CCSER2: variants seen among roughly 807,000 people sequenced by gnomAD.
The protein encoded by CCSER2 is coiled-coil serine rich protein 2.
In CCSER2, 46 loss-of-function variants were observed where a neutral mutation model predicts 92.3. The observed-to-expected ratio is 0.50, with a 90% CI of 0.39 to 0.64. CCSER2 has a LOEUF of 0.64. CCSER2 is among the 30% of genes least tolerant of loss of function. The probability of loss-of-function intolerance (pLI) is 0.00; values close to 1 mark genes in which losing one functional copy is unlikely to be tolerated. For missense variants in CCSER2, 1,244 were observed against 1,238.9 expected (o/e 1.00, Z -0.06); for synonymous variants, 433 against 431.4 (o/e 1.00, Z -0.04).
chr10:84,335,971 G>A (rs1241376006), intron 1 of CCSER2, among the ~76,000 whole-genome samples: 1 of 152,112 alleles, frequency 6.6e-6, no homozygotes, highest in Non-Finnish European at 1.5e-5. Context: ...ATTTCTTTTC[G>A]GGGTGGGGAG....
At chr10:84,401,997 C>A (rs754851408) in intron 3 of CCSER2, among the ~76,000 whole-genome samples, 5 of 152,200 alleles carry the variant, frequency 3.3e-5, no homozygotes, top group Non-Finnish European at 5.9e-5. Flanking sequence ...GGACCATTCA[C>A]TTATTTGCTA....
intron 1 of CCSER2, among the ~76,000 whole-genome samples, chr10:84,335,476 T>A (rs1843784843): frequency 6.6e-6 from 1 of 152,010 alleles, no homozygotes; most frequent in African/African-American, 2.4e-5. Context: ...ACTCCTGGGC[T>A]CAAATGACCC....
At chr10:84,352,003 A>C (rs1844884903) in intron 1 of CCSER2, among the ~76,000 whole-genome samples, 1 of 152,116 alleles carries the variant, frequency 6.6e-6, no homozygotes, top group Non-Finnish European at 1.5e-5. Context: ...CAAGATAGGC[A>C]AAATGGTGAC....
intron 3 of CCSER2, among the ~76,000 whole-genome samples, chr10:84,388,557 ACC>A (rs1434618893): frequency 1.3e-5 from 2 of 151,546 alleles, no homozygotes; most frequent in Admixed American, 6.6e-5. Context: ...ACTCCCTCCC[ACC>A]CCCTTGAGCC....
intron 5 of CCSER2, among the ~76,000 whole-genome samples, chr10:84,433,205 G>T (rs955382728): frequency 6.6e-6 from 1 of 152,098 alleles, no homozygotes; most frequent in African/African-American, 2.4e-5. Flanking sequence ...TCTTTTGCCT[G>T]TTCTAATAAA....
At chr10:84,348,747 T>TC (rs1380912953) in intron 1 of CCSER2, among the ~76,000 whole-genome samples, 1 of 151,846 alleles carries the variant, frequency 6.6e-6, no homozygotes, top group Admixed American at 6.6e-5. Flanking sequence ...TTTGGGTTTT[T>TC]TTGGTAATAA....
intron 8 of CCSER2, among the ~76,000 whole-genome samples, chr10:84,475,432 A>T (rs1847081518): frequency 1.3e-5 from 2 of 152,180 alleles, no homozygotes; most frequent in South Asian, 4.1e-4. Context: ...GCCAAATATT[A>T]TTTTTCATGT....
At chr10:84,478,067 AAT>A (rs1460452667) in intron 9 of CCSER2, among the ~76,000 whole-genome samples, 19 of 152,320 alleles carry the variant, frequency 1.2e-4, no homozygotes, top group Admixed American at 1.2e-3. Context: ...AAACTTTTCA[AAT>A]ATGTTTATTA....
chr10:84,518,048 G>C lies in CCSER2; in HGVS notation c.*3781G>C, dbSNP rs1849654806. 1 of 152,110 alleles carries C rather than the reference G, an allele frequency of 6.6e-6. No homozygotes were observed. 9.4% of individuals were successfully genotyped at this position (152,110 alleles called of 1,614,324 possible). A position where few individuals can be genotyped will look rare whatever the true frequency, so the allele number is the denominator to read the frequency against. Reference sequence around the variant, plus strand: ...AGCACACATTTGAAAATTAATTATAGCTGTACTACCCGATGTTTTTCCTTG... The same window carrying C: ...AGCACACATTTGAAAATTAATTATACCTGTACTACCCGATGTTTTTCCTTG... On this transcript the variant is annotated 3_prime_UTR_variant, in exon 10 of 10. Coordinates refer to ENST00000372088, the MANE Select transcript of CCSER2 (RefSeq NM_001284240.2).
chr10:84,395,099 CT>C (rs1841755097), intron 3 of CCSER2, among the ~76,000 whole-genome samples: 1 of 151,766 alleles, frequency 6.6e-6, no homozygotes, highest in Admixed American at 6.6e-5. Context: ...TGGCATATGC[CT>C]GTGGTTCCAG....
chr10:84,428,985 GTATATATATATATATA>G (rs60243946), intron 5 of CCSER2, among the ~76,000 whole-genome samples: 1 of 140,890 alleles, frequency 7.1e-6, no homozygotes, highest in Non-Finnish European at 1.5e-5. Flanking sequence ...GTGTGTATGT[GTATATATATATATATA>G]TATATATATA....
At chr10:84,429,643 G>A (rs984453510) in intron 5 of CCSER2, among the ~76,000 whole-genome samples, 19 of 135,606 alleles carry the variant, frequency 1.4e-4, no homozygotes, top group Non-Finnish European at 2.3e-4. Context: ...CTGCATTAAG[G>A]ATTTTCACTT....
At chr10:84,466,578 C>T (rs1266000722) in intron 7 of CCSER2, among the ~76,000 whole-genome samples, 10 of 150,644 alleles carry the variant, frequency 6.6e-5, no homozygotes, top group Middle Eastern at 3.4e-3. Context: ...AATCTCGGCT[C>T]GCTGCAAGCT....
At chr10:84,447,458 A>G (rs1204327963) in intron 6 of CCSER2, among the ~76,000 whole-genome samples, 3 of 152,168 alleles carry the variant, frequency 2.0e-5, no homozygotes, top group African/African-American at 7.2e-5. Context: ...TGTTAGTTAT[A>G]TGTGTTGCAA....
At chr10:84,388,197 C>G (rs975952067) in intron 3 of CCSER2, among the ~76,000 whole-genome samples, 1 of 152,150 alleles carries the variant, frequency 6.6e-6, no homozygotes, top group East Asian at 1.9e-4. Flanking sequence ...GTTTATGCCC[C>G]TTTAACTCAG....
intron 8 of CCSER2, among the ~76,000 whole-genome samples, chr10:84,471,377 AAAGAC>A (rs1008677284): frequency 5.3e-5 from 8 of 152,262 alleles, no homozygotes; most frequent in East Asian, 3.9e-4. Flanking sequence ...GTTCAAAGCC[AAAGAC>A]AAGAACCCAA....
chr10:84,412,662 C>G (rs575019910), intron 3 of CCSER2, among the ~76,000 whole-genome samples: 22 of 152,202 alleles, frequency 1.4e-4, no homozygotes, highest in African/African-American at 5.3e-4. Context: ...GCTGTGAAGG[C>G]CCTGAGTTCT....
chr10:84,346,167 C>T (rs992462166), intron 1 of CCSER2, among the ~76,000 whole-genome samples: 4 of 152,150 alleles, frequency 2.6e-5, no homozygotes, highest in African/African-American at 7.2e-5. Context: ...CGGGTTCAAG[C>T]GATTCTTCTG....
intron 1 of CCSER2, among the ~76,000 whole-genome samples, chr10:84,352,388 T>G (rs1468982603): frequency 2.0e-5 from 3 of 151,838 alleles, no homozygotes; most frequent in African/African-American, 7.3e-5. Context: ...CAAGGTGAGG[T>G]GTGGGAACAG....
Sources: gnomAD v4.1 joint callset for allele counts (sites outside exome capture counted in the v4.1 genomes callset) on GRCh38, gnomAD v4.1.1 for gene constraint, MANE v1.5 for transcripts, NCBI Gene and HGNC (gene_info 2026-07-23, HGNC 2026-07-21) for gene names.